The following SORCS1 variants were observed in gnomAD, a reference collection of about 807,000 sequenced individuals.
The protein encoded by SORCS1 is VPS10 domain-containing receptor SorCS1.
Under a neutral mutation model 146.1 loss-of-function variants are expected in SORCS1, and 60 were observed. The observed-to-expected ratio is 0.41, with a 90% CI of 0.33 to 0.51. The LOEUF is 0.51. Ranked by LOEUF, SORCS1 falls within the 20% of genes least tolerant of loss-of-function variation. SORCS1 has a pLI of 0.21. For missense variants in SORCS1, 1,352 were observed against 1,487.6 expected, an observed-to-expected ratio of 0.91 and a Z score of 1.50; for synonymous variants, 637 against 584.0, an observed-to-expected ratio of 1.09 and a Z score of -1.31.
At chr10:106,765,963 T>C (rs936671754) in intron 4 of SORCS1, among the ~76,000 whole-genome samples, 5 of 152,118 alleles carry the variant, frequency 3.3e-5, no homozygotes, top group African/African-American at 1.2e-4. Flanking sequence ...TCAAAGAAAT[T>C]TGTGCTACGA....
chr10:107,028,754 A>G (rs886322970), intron 1 of SORCS1, among the ~76,000 whole-genome samples: 7 of 152,188 alleles, frequency 4.6e-5, no homozygotes, highest in Non-Finnish European at 7.3e-5. Flanking sequence ...GGTGTACCCC[A>G]AGGTTTTCAT....
Position 106,579,243 on chromosome 10 carries a change from G to T in SORCS1, c.3371+126C>A, listed in dbSNP as rs193920991. The T allele has an allele frequency of 4.3e-6, 7 of 1,613,854 alleles. No individual in the cohort carries two copies. Among genetic ancestry groups the T allele is most frequent in the Non-Finnish European group, 5.9e-6 (7 of 1,179,976 alleles). On this transcript the variant is annotated intron_variant, in intron 25 of 25. Coordinates refer to ENST00000263054, the MANE Select transcript of SORCS1 (RefSeq NM_052918.5). ...CATCTGGGCATAAACATTAATCCCC[G>T]GGATCTTCCTAAAATATTAATAGAA...
chr10:107,007,012 G>C (rs955610105), intron 1 of SORCS1, among the ~76,000 whole-genome samples: 10 of 152,028 alleles, frequency 6.6e-5, no homozygotes, highest in Admixed American at 1.3e-4. Context: ...CATTTCCCTT[G>C]TATCTCCATG....
intron 24 of SORCS1, among the ~76,000 whole-genome samples, chr10:106,592,630 C>T (rs1845666819): frequency 6.6e-6 from 1 of 152,072 alleles, no homozygotes; most frequent in Non-Finnish European, 1.5e-5. Flanking sequence ...ATTAGCAATC[C>T]TGCTTATGAG....
intron 1 of SORCS1, among the ~76,000 whole-genome samples, chr10:107,021,340 G>A (rs1052138209): frequency 2.0e-5 from 3 of 151,374 alleles, no homozygotes; most frequent in Admixed American, 1.3e-4. Context: ...GTGAAACCCC[G>A]TCTCTACTAA....
At chr10:106,807,821 A>G (rs1453962454) in intron 3 of SORCS1, among the ~76,000 whole-genome samples, 1 of 152,200 alleles carries the variant, frequency 6.6e-6, no homozygotes, top group Non-Finnish European at 1.5e-5. Flanking sequence ...GTGAGCCCCA[A>G]CTGCCACAGC....
At position 106,576,087 on chromosome 10, in the gene SORCS1, T is replaced by C. The variant is rs1397936826; in HGVS notation, c.*1333A>G. 1 of 152,240 alleles carries C rather than the reference T, an allele frequency of 6.6e-6. No individual in the cohort carries two copies. Among genetic ancestry groups the C allele is most frequent in the Non-Finnish European group, 1.5e-5 (1 of 68,052 alleles). The allele number at this position is 152,240 out of a possible 1,614,324, so 9.4% of individuals were successfully genotyped here. ...TTTGAATTACTTTGCATATATCAACTCTTTCGCATACAGTATATGTTTCCA... is the reference window on the plus strand; with the variant it reads ...TTTGAATTACTTTGCATATATCAACCCTTTCGCATACAGTATATGTTTCCA... On this transcript the variant is annotated 3_prime_UTR_variant, in exon 26 of 26. Coordinates refer to ENST00000263054, the MANE Select transcript of SORCS1 (RefSeq NM_052918.5).
At chr10:106,794,943 G>A (rs751955786) in intron 3 of SORCS1, among the ~76,000 whole-genome samples, 1 of 152,076 alleles carries the variant, frequency 6.6e-6, no homozygotes, top group Non-Finnish European at 1.5e-5. Flanking sequence ...ACTTAACCAG[G>A]GGTCCCCCAA....
intron 1 of SORCS1, among the ~76,000 whole-genome samples, chr10:106,957,996 T>C (rs1481811617): frequency 6.6e-6 from 1 of 152,156 alleles, no homozygotes; most frequent in Non-Finnish European, 1.5e-5. Context: ...GATAAAGAGC[T>C]ATATACCCCT....
intron 1 of SORCS1, among the ~76,000 whole-genome samples, chr10:107,128,426 A>G (rs1029143515): frequency 9.2e-5 from 14 of 152,120 alleles, no homozygotes; most frequent in Non-Finnish European, 1.8e-4. Context: ...GGGGCAATAG[A>G]GTCTAGATTT....
chr10:107,069,295 T>C (rs1962210762), intron 1 of SORCS1, among the ~76,000 whole-genome samples: 1 of 152,240 alleles, frequency 6.6e-6, no homozygotes, highest in Non-Finnish European at 1.5e-5. Flanking sequence ...AATTCACCTC[T>C]ATTATTTCCA....
chr10:106,962,633 T>C (rs1443370026), intron 1 of SORCS1, among the ~76,000 whole-genome samples: 2 of 152,168 alleles, frequency 1.3e-5, no homozygotes, highest in African/African-American at 4.8e-5. Flanking sequence ...AGATGATGAC[T>C]AGGTCCTAGT....
rs180987201 is a variant in SORCS1, at chr10:107,158,850, A to C, written c.558+5119T>G. 2.0e-5 allele frequency among the ~76,000 whole-genome samples: 3 copies of C among 152,316 alleles called. No homozygotes were observed. In the East Asian group the frequency reaches 5.8e-4, roughly 29 times the overall value. On this transcript the variant is annotated intron_variant, in intron 1 of 25. Transcript: ENST00000263054. Reference sequence around the variant, plus strand: ...TTATTTTCATATATAAATGAGATTCATGTATCTGCTTTTTTGCCCTATCCT... The same window carrying C: ...TTATTTTCATATATAAATGAGATTCCTGTATCTGCTTTTTTGCCCTATCCT...
intron 3 of SORCS1, among the ~76,000 whole-genome samples, chr10:106,790,751 T>C (rs982217705): frequency 2.6e-5 from 4 of 152,180 alleles, no homozygotes; most frequent in Non-Finnish European, 5.9e-5. Context: ...GTGCTCCTAG[T>C]GATGGCCGGA....
At chr10:106,668,361 G>A (rs932099051) in intron 16 of SORCS1, among the ~76,000 whole-genome samples, 1 of 152,188 alleles carries the variant, frequency 6.6e-6, no homozygotes, top group South Asian at 2.1e-4. Context: ...TTCCCCTAAG[G>A]AAATGTTTCA....
intron 2 of SORCS1, among the ~76,000 whole-genome samples, chr10:106,951,844 G>A (rs764230649): frequency 6.6e-6 from 1 of 152,096 alleles, no homozygotes; most frequent in Admixed American, 6.5e-5. Flanking sequence ...GCATAGGCAG[G>A]TTTTCTGAGC....
rs866811135 is a variant in SORCS1, at chr10:106,845,913, G to A, written c.627-16240C>T. ...GTTGTAGGTATGTGGCGTTATTTCTGAGGGCTCTGTTCTGTTCCATTGATC... is the reference window on the plus strand; with the variant it reads ...GTTGTAGGTATGTGGCGTTATTTCTAAGGGCTCTGTTCTGTTCCATTGATC... On this transcript the variant is annotated intron_variant, in intron 2 of 25. Transcript: ENST00000263054. 3.5e-3 allele frequency among the ~76,000 whole-genome samples: 415 copies of A among 118,932 alleles called. 14 individuals carry two copies. The highest frequency in any genetic ancestry group is 8.1e-3 in the African/African-American group (305 of 37,558). 78.0% of individuals were successfully genotyped at this position (118,932 alleles called of 152,430 possible). A position where few individuals can be genotyped will look rare whatever the true frequency, so the allele number is the denominator to read the frequency against.
Position 107,164,095 on chromosome 10 carries a change from C to T in SORCS1, c.432G>A (p.Glu144=). 6.2e-7 allele frequency: 1 copy of T among 1,613,770 alleles called. No individual in the cohort carries two copies. Among genetic ancestry groups the T allele is most frequent in the Middle Eastern group, 1.6e-4 (1 of 6,062 alleles). The part of the protein sequence containing the change: ...DGGQQEPGTR[E]RDPDKATRFR... ...AGCGGGTGGCTTTGTCCGGGTCCCG[C>T]TCCCGAGTCCCAGGCTCCTGCTGCC... The change falls in exon 1 of 26, where the codon GAG becomes GAA. Residue 144 remains glutamate, a synonymous_variant. Transcript: ENST00000263054. The surrounding 1 kb of genome is among the most constrained non-coding windows in gnomAD (Gnocchi z 6.8).
At chr10:106,638,626 C>T (rs930381002) in intron 18 of SORCS1, among the ~76,000 whole-genome samples, 5 of 152,134 alleles carry the variant, frequency 3.3e-5, no homozygotes, top group African/African-American at 1.2e-4. Flanking sequence ...AACTTTTATA[C>T]CTAGTATCAC....
Sources: allele counts gnomAD v4.1 joint callset (sites outside exome capture counted in the v4.1 genomes callset), GRCh38; gene constraint gnomAD v4.1.1; non-coding constraint Gnocchi (gnomAD v3.1); transcripts MANE v1.5; gene names NCBI Gene and HGNC (gene_info 2026-07-23, HGNC 2026-07-21).